The following MAPKAPK3 variants were observed in gnomAD, a reference collection of about 807,000 sequenced individuals.
The protein encoded by MAPKAPK3 is MAPK activated protein kinase 3.
In MAPKAPK3, 35 loss-of-function variants were observed where a neutral mutation model predicts 49.2. The observed-to-expected ratio is 0.71, with a 90% CI of 0.54 to 0.94. The LOEUF (loss-of-function observed/expected upper bound fraction) is 0.94. Ranked by LOEUF, MAPKAPK3 falls within the 40% of genes least tolerant of loss-of-function variation. MAPKAPK3 has a pLI of 0.00. For synonymous variants in MAPKAPK3, 178 were observed against 188.7 expected (o/e 0.94, Z 0.46); for missense variants, 398 against 493.1 (o/e 0.81, Z 1.83).
At chr3:50,632,038 C>A (rs895571950) in intron 2 of MAPKAPK3, among the ~76,000 whole-genome samples, 1 of 152,228 alleles carries the variant, frequency 6.6e-6, no homozygotes, top group African/African-American at 2.4e-5. Context: ...GGTGATGTTA[C>A]CTCAGCACTC....
At chr3:50,636,951 CT>C (rs1020959907) in intron 2 of MAPKAPK3, among the ~76,000 whole-genome samples, 1 of 152,206 alleles carries the variant, frequency 6.6e-6, no homozygotes, top group Non-Finnish European at 1.5e-5. Context: ...GCCCTCTCCC[CT>C]GTCCCTATGC....
Position 50,644,417 on chromosome 3 carries a change from C to T in MAPKAPK3, c.513C>T (p.Asn171=). 6.2e-7 allele frequency: 1 copy of T among 1,614,168 alleles called. No individual in the cohort carries two copies. Among genetic ancestry groups the T allele is most frequent in the Non-Finnish European group, 8.5e-7 (1 of 1,180,002 alleles). ...TTCTCTTTCTGGCCCAGCCTGAAAACCTACTCTACACATCTAAGGAGAAAG... is the reference window on the plus strand; with the variant it reads ...TTCTCTTTCTGGCCCAGCCTGAAAATCTACTCTACACATCTAAGGAGAAAG... ...NIAHRDVKPE[N]LLYTSKEKDA... The change falls in exon 6 of 11, where the codon AAC becomes AAT. Residue 171 remains asparagine (N), a synonymous_variant. Coordinates refer to ENST00000621469, the MANE Select transcript of MAPKAPK3 (RefSeq NM_001243925.2).
At position 50,642,320 on chromosome 3, in the gene MAPKAPK3, C is replaced by T. The variant is rs2107598203; in HGVS notation, c.492C>T (p.His164=). 2 of 1,612,470 alleles carry T rather than the reference C, an allele frequency of 1.2e-6. No individual in the cohort carries two copies. The highest frequency in any genetic ancestry group is 1.7e-6 in the Non-Finnish European group (2 of 1,179,682). ...IQFLHSHNIA[H]RDVKPENLLY... ...TTCTGCACAGCCATAACATTGCCCACCGAGATGTCAAGGTGAGGCTCCAGG... is the reference window on the plus strand; with the variant it reads ...TTCTGCACAGCCATAACATTGCCCATCGAGATGTCAAGGTGAGGCTCCAGG... Residue 164 remains histidine, a synonymous_variant, in exon 5 of 11, where the codon CAC becomes CAT. Transcript: ENST00000621469.
chr3:50,644,534 T>C lies in MAPKAPK3; in HGVS notation c.628+2T>C. ...CCTGCTATACTCCCTATTATGTGGG[T>C]GAGTCCTTCGGACATGAGTTGTAAC... On this transcript the variant is annotated splice_donor_variant, in intron 6 of 10. Transcript: ENST00000621469. LOFTEE classifies it high-confidence loss of function. The C allele has an allele frequency of 6.2e-7, 1 of 1,614,026 alleles. No homozygotes were observed. The highest frequency in any genetic ancestry group is 8.5e-7 in the Non-Finnish European group (1 of 1,179,996).
chr3:50,617,124 G>GA, upstream of MAPKAPK3: 2 of 138,710 alleles, frequency 1.4e-5, no homozygotes, highest in Admixed American at 7.0e-5. Flanking sequence ...GGGAGGGGGG[G>GA]GAGGTCACGT....
At chr3:50,611,610 G>T (rs536041818), upstream of MAPKAPK3, 34 of 1,521,384 alleles carry the variant, frequency 2.2e-5, no homozygotes, top group South Asian at 2.5e-4. Context: ...GGCCGGGAAG[G>T]GGGCAGAGAG....
intron 5 of MAPKAPK3, 73 bp from the exon 6 acceptor site, chr3:50,644,336 C>A: frequency 7.6e-6 from 12 of 1,572,926 alleles, no homozygotes; most frequent in Non-Finnish European, 1.0e-5. Flanking sequence ...GGGAGTCTGG[C>A]TGAAGATCAC....
At chr3:50,642,221 A>G in intron 4 of MAPKAPK3, 32 bp from the exon 5 acceptor site, 1 of 1,486,026 alleles carries the variant, frequency 6.7e-7, no homozygotes, top group Non-Finnish European at 9.4e-7. Context: ...TTTGACTGGC[A>G]TCACTGACCC....
chr3:50,617,342 GC>G, intron 1 of MAPKAPK3, 101 bp downstream of exon 1: 1 of 468,150 alleles, frequency 2.1e-6, no homozygotes, highest in South Asian at 4.2e-5. Flanking sequence ...GGCGGTGCTC[GC>G]TTGTACCCCG....
intron 2 of MAPKAPK3, among the ~76,000 whole-genome samples, chr3:50,618,096 C>T (rs1422722424): frequency 1.3e-5 from 2 of 152,174 alleles, no homozygotes; most frequent in African/African-American, 4.8e-5. Context: ...TGTGTTCAGG[C>T]CCAAAGGGGA....
chr3:50,620,419 C>G (rs1489015897), intron 2 of MAPKAPK3, among the ~76,000 whole-genome samples: 4 of 152,212 alleles, frequency 2.6e-5, no homozygotes, highest in Non-Finnish European at 5.9e-5. Flanking sequence ...CCAGGGTGGC[C>G]TGTCCTCATC....
intron 2 of MAPKAPK3, among the ~76,000 whole-genome samples, chr3:50,632,267 G>C (rs2032933264): frequency 1.3e-5 from 2 of 152,188 alleles, no homozygotes; most frequent in African/African-American, 4.8e-5. Flanking sequence ...CTCTTCATGG[G>C]GGTAATAAAA....
At chr3:50,645,650 T>A (rs2033272431) in intron 6 of MAPKAPK3, 60 bp from the exon 7 acceptor site, 4 of 1,438,790 alleles carry the variant, frequency 2.8e-6, no homozygotes, top group Non-Finnish European at 3.9e-6. Flanking sequence ...GGCTTTAGGC[T>A]CCTGCCTGGG....
intron 2 of MAPKAPK3, among the ~76,000 whole-genome samples, chr3:50,629,724 C>A (rs944514284): frequency 4.6e-5 from 7 of 152,196 alleles, no homozygotes; most frequent in East Asian, 3.8e-4. Context: ...TTCCTGGGAG[C>A]CTCGCTCAGG....
upstream of MAPKAPK3, chr3:50,617,115 G>GGGGGGGGGGGGGGCAC (rs2032485882): frequency 1.1e-5 from 1 of 87,010 alleles, no homozygotes; most frequent in South Asian, 4.0e-4. Flanking sequence ...GGGGGGGTGG[G>GGGGGGGGGGGGGGCAC]GAGGGGGGGG....
chr3:50,614,903 T>C (rs946552603), upstream of MAPKAPK3, among the ~76,000 whole-genome samples: 3 of 152,244 alleles, frequency 2.0e-5, no homozygotes, highest in East Asian at 1.9e-4. Flanking sequence ...TCTGTATAAT[T>C]TGAATTAATT....
intron 8 of MAPKAPK3, 77 bp from the exon 9 acceptor site, chr3:50,646,663 G>A: frequency 7.6e-7 from 1 of 1,308,132 alleles, no homozygotes; most frequent in Non-Finnish European, 1.1e-6. Flanking sequence ...CCCCAGCAGA[G>A]CTTGTGGTCT....
At chr3:50,626,860 T>A (rs1367257286) in intron 2 of MAPKAPK3, among the ~76,000 whole-genome samples, 1 of 152,126 alleles carries the variant, frequency 6.6e-6, no homozygotes, top group African/African-American at 2.4e-5. Flanking sequence ...GCGTGTGTGC[T>A]CCTCTGGGGA....
intron 2 of MAPKAPK3, among the ~76,000 whole-genome samples, chr3:50,628,008 T>G (rs1286465948): frequency 6.6e-6 from 1 of 152,102 alleles, no homozygotes; most frequent in African/African-American, 2.4e-5. Flanking sequence ...AGAAGGTCAG[T>G]GTTGGGGGTG....
Sources: gnomAD v4.1 joint callset for allele counts (sites outside exome capture counted in the v4.1 genomes callset) on GRCh38, gnomAD v4.1.1 for gene constraint, MANE v1.5 for transcripts, NCBI Gene and HGNC (gene_info 2026-07-23, HGNC 2026-07-21) for gene names.